The following PABPC4L variants were observed in gnomAD, a reference collection of about 807,000 sequenced individuals.
The protein encoded by PABPC4L is polyadenylate-binding protein 4-like.
For missense variants in PABPC4L, 452 were observed against 451.4 expected (o/e 1.00, Z -0.01); for synonymous variants, 169 against 164.1 (o/e 1.03, Z -0.23).
chr4:134,106,467 A>T, the PABPC4L span, among the ~76,000 whole-genome samples: 3 of 151,562 alleles, frequency 2.0e-5, no homozygotes, highest in Non-Finnish European at 4.4e-5. Flanking sequence ...GAAAAATAGA[A>T]GTGTAAGAAG....
the PABPC4L span, among the ~76,000 whole-genome samples, chr4:133,957,095 C>T: frequency 2.6e-5 from 4 of 152,310 alleles, no homozygotes; most frequent in Non-Finnish European, 5.9e-5. Context: ...CCCCCAAATG[C>T]TTATCTCATT....
chr4:134,074,482 C>T, the PABPC4L span, among the ~76,000 whole-genome samples: 2 of 152,124 alleles, frequency 1.3e-5, no homozygotes, highest in Admixed American at 6.5e-5. Flanking sequence ...AACTTTCCCA[C>T]ATTTTCCTAT....
At chr4:134,038,425 G>A in the PABPC4L span, among the ~76,000 whole-genome samples, 2 of 152,152 alleles carry the variant, frequency 1.3e-5, no homozygotes, top group Non-Finnish European at 2.9e-5. Context: ...ACCTCTGGTA[G>A]AATTTGGCTG....
chr4:134,015,166 G>T, the PABPC4L span, among the ~76,000 whole-genome samples: 4 of 151,930 alleles, frequency 2.6e-5, no homozygotes, highest in African/African-American at 4.8e-5. Context: ...ATCCCATCCC[G>T]CAGTGCGCTT....
At chr4:134,107,772 C>G in the PABPC4L span, among the ~76,000 whole-genome samples, 1 of 151,572 alleles carries the variant, frequency 6.6e-6, no homozygotes. Context: ...ACTATTATGA[C>G]TTCTCAATTC....
At chr4:133,966,579 G>A in the PABPC4L span, among the ~76,000 whole-genome samples, 1 of 152,120 alleles carries the variant, frequency 6.6e-6, no homozygotes, top group Non-Finnish European at 1.5e-5. Context: ...TAAACTAGTG[G>A]ATAAAGAAAC....
At chr4:133,985,776 C>A in the PABPC4L span, among the ~76,000 whole-genome samples, 1 of 151,812 alleles carries the variant, frequency 6.6e-6, no homozygotes, top group Non-Finnish European at 1.5e-5. Flanking sequence ...TCTTGAATCC[C>A]AAAACATTGA....
chr4:133,949,665 A>C, the PABPC4L span, among the ~76,000 whole-genome samples: 2 of 152,124 alleles, frequency 1.3e-5, no homozygotes, highest in Non-Finnish European at 2.9e-5. Context: ...CTTCGTGGTC[A>C]GGAGCACTTG....
chr4:133,999,676 A>G, the PABPC4L span, among the ~76,000 whole-genome samples: 3 of 152,020 alleles, frequency 2.0e-5, no homozygotes, highest in South Asian at 2.1e-4. Flanking sequence ...GTGCAGGAAT[A>G]CAAGGGGAAA....
chr4:134,110,605 G>C, the PABPC4L span, among the ~76,000 whole-genome samples: 1 of 132,948 alleles, frequency 7.5e-6, no homozygotes, highest in Admixed American at 7.7e-5. Context: ...GTGTGTGTGT[G>C]TATTCATTGG....
chr4:133,986,351 C>T, the PABPC4L span, among the ~76,000 whole-genome samples: 21 of 151,564 alleles, frequency 1.4e-4, no homozygotes, highest in East Asian at 3.9e-4. Flanking sequence ...GAATAAAATA[C>T]GAGATATATA....
At chr4:134,081,804 G>A in the PABPC4L span, among the ~76,000 whole-genome samples, 118 of 152,204 alleles carry the variant, frequency 7.8e-4, no homozygotes, top group Admixed American at 2.6e-3. Flanking sequence ...ATGACATACA[G>A]TTCTGACTCC....
the PABPC4L span, among the ~76,000 whole-genome samples, chr4:134,105,431 C>A: frequency 6.6e-6 from 1 of 151,468 alleles, no homozygotes; most frequent in Admixed American, 6.6e-5. Flanking sequence ...TTAAAATTTC[C>A]TGTTATGTAT....
the PABPC4L span, among the ~76,000 whole-genome samples, chr4:134,133,111 TA>T: frequency 1.2e-4 from 2 of 17,090 alleles, no homozygotes; most frequent in African/African-American, 6.1e-4. Flanking sequence ...TATAATTATA[TA>T]TTATATAATA....
At chr4:133,970,416 G>A in the PABPC4L span, among the ~76,000 whole-genome samples, 1 of 152,160 alleles carries the variant, frequency 6.6e-6, no homozygotes, top group African/African-American at 2.4e-5. Flanking sequence ...TACAGAGATG[G>A]CTGAAAATCT....
chr4:133,971,860 C>A, the PABPC4L span, among the ~76,000 whole-genome samples: 2 of 152,150 alleles, frequency 1.3e-5, no homozygotes, highest in Non-Finnish European at 2.9e-5. Flanking sequence ...TTCAATTCCT[C>A]AGGAATGTAT....
the PABPC4L span, among the ~76,000 whole-genome samples, chr4:133,996,290 T>C: frequency 6.6e-6 from 1 of 152,130 alleles, no homozygotes; most frequent in Non-Finnish European, 1.5e-5. Flanking sequence ...TTGGGACCTG[T>C]TGCCCTTGTG....
chr4:134,055,685 T>C, the PABPC4L span, among the ~76,000 whole-genome samples: 1 of 151,450 alleles, frequency 6.6e-6, no homozygotes, highest in African/African-American at 2.4e-5. Context: ...TTTTTTAATG[T>C]TGAGTTTCAA....
chr4:133,996,092 C>CT, the PABPC4L span, among the ~76,000 whole-genome samples: 3 of 152,180 alleles, frequency 2.0e-5, no homozygotes, highest in Admixed American at 2.0e-4. Context: ...TATCTCTTCT[C>CT]TTTTTTCCAA....
Sources: gnomAD v4.1 joint callset for allele counts (sites outside exome capture counted in the v4.1 genomes callset) on GRCh38, gnomAD v4.1.1 for gene constraint, MANE v1.5 for transcripts, NCBI Gene and HGNC (gene_info 2026-07-23, HGNC 2026-07-21) for gene names.